TBC1D23: variants seen among roughly 807,000 people sequenced by gnomAD.
The protein encoded by TBC1D23 is HCV non-structural protein 4A-transactivated protein 1.
In TBC1D23, 55 loss-of-function variants were observed where a neutral mutation model predicts 91.4. The ratio of observed to expected loss-of-function variants is 0.60; its 90% CI spans 0.48 to 0.75. The LOEUF (loss-of-function observed/expected upper bound fraction) is 0.75, where lower values mean the gene tolerates loss of function less well. Among genes scored for constraint, TBC1D23 ranks in the 30% least tolerant of loss-of-function variants. The pLI is 0.00. For missense variants in TBC1D23, 725 were observed against 836.1 expected, an observed-to-expected ratio of 0.87 and a Z score of 1.64; for synonymous variants, 289 against 281.0, an observed-to-expected ratio of 1.03 and a Z score of -0.28.
At chr3:100,268,649 G>A (rs543195151) in intron 1 of TBC1D23, among the ~76,000 whole-genome samples, 2 of 152,046 alleles carry the variant, frequency 1.3e-5, no homozygotes, top group African/African-American at 4.8e-5. Context: ...TGCTGTTTTC[G>A]TGCCATTCTC....
chr3:100,295,366 T>C lies in TBC1D23; in HGVS notation c.772+18T>C, dbSNP rs747301208. 1.6e-5 allele frequency: 26 copies of C among 1,588,356 alleles called. No homozygotes were observed. In the Admixed American group the frequency reaches 2.7e-4, roughly 16 times the overall value. ...AGTTATCAGTAAGTATCATTTAATG[T>C]AGTGAAAACATTTCAGGTCTCTTTA... is the stretch of plus-strand genomic sequence containing the variant. On this transcript the variant is annotated intron_variant, in intron 7 of 18. Coordinates refer to ENST00000394144, the MANE Select transcript of TBC1D23 (RefSeq NM_001199198.3).
At chr3:100,315,154 C>CTTTTTT (rs397705981) in intron 15 of TBC1D23, among the ~76,000 whole-genome samples, 31 of 73,664 alleles carry the variant, frequency 4.2e-4, no homozygotes, top group South Asian at 6.0e-4. Context: ...GAGGCAGATT[C>CTTTTTT]TTTTTTTTTT....
chr3:100,289,200 G>A (rs2067768861), intron 4 of TBC1D23, among the ~76,000 whole-genome samples: 1 of 152,056 alleles, frequency 6.6e-6, no homozygotes, highest in South Asian at 2.1e-4. Context: ...GAGTGACAGA[G>A]CTAGACCCTG....
chr3:100,315,114 A>G (rs959739051), intron 15 of TBC1D23, among the ~76,000 whole-genome samples: 13 of 146,520 alleles, frequency 8.9e-5, no homozygotes, highest in Non-Finnish European at 1.7e-4. Flanking sequence ...TTGAGTTTAC[A>G]TGTTATTTAT....
At chr3:100,267,813 TTATA>T (rs1179366711) in intron 1 of TBC1D23, among the ~76,000 whole-genome samples, 3 of 152,300 alleles carry the variant, frequency 2.0e-5, no homozygotes, top group East Asian at 1.9e-4. Flanking sequence ...GCGTTACTCT[TTATA>T]TATAATGCTT....
In TBC1D23 at chr3:100,317,700, A is replaced by ACTCTCT. The variant is rs10667349; in HGVS notation, c.1688-1368_1688-1363dup. 6.8e-3 allele frequency among the ~76,000 whole-genome samples: 1,029 copies of ACTCTCT among 151,398 alleles called. 16 individuals are homozygous for ACTCTCT. The highest frequency in any genetic ancestry group is 0.024 in the African/African-American group (989 of 41,262). ...TCTCTGTTGCCATCTCTTTCTGTTA[A>ACTCTCT]CTCTCTGAATATCTCAACTTCTTCC... On this transcript the variant is annotated intron_variant, in intron 16 of 18. Transcript: ENST00000394144.
rs546907489 is a variant in TBC1D23 at position 100,304,387 on chromosome 3, A to G, written c.1264-459A>G. On this transcript the variant is annotated intron_variant, in intron 11 of 18. Transcript: ENST00000394144. ...TTTGTGTTTCTCTTTTTTTTTATTT[A>G]TATTACTTAGATCCATTATGTTTTT... Among the ~76,000 whole-genome samples, 7 of 151,718 alleles carry G rather than the reference A, an allele frequency of 4.6e-5. No homozygotes were observed. The South Asian group carries it at 1.5e-3, about 32-fold the overall frequency.
At chr3:100,265,938 A>G (rs2067553939) in intron 1 of TBC1D23, among the ~76,000 whole-genome samples, 1 of 152,206 alleles carries the variant, frequency 6.6e-6, no homozygotes, top group Non-Finnish European at 1.5e-5. Flanking sequence ...GCATTGAAAT[A>G]TGAGAAAAAA....
intron 10 of TBC1D23, among the ~76,000 whole-genome samples, 169 bp downstream of exon 10, chr3:100,299,500 C>A (rs944510772): frequency 2.0e-5 from 3 of 152,008 alleles, no homozygotes; most frequent in Non-Finnish European, 2.9e-5. Context: ...CCCAAATACC[C>A]TTTTGTGTTT....
At position 100,323,775 on chromosome 3, in the gene TBC1D23, GC is replaced by G; in HGVS notation, c.*108del. 1 of 399,050 alleles carries G rather than the reference GC, an allele frequency of 2.5e-6. No homozygotes were observed. The highest frequency in any genetic ancestry group is 4.3e-6 in the Non-Finnish European group (1 of 234,754). The allele number at this position is 399,050 out of a possible 1,614,324, so 24.7% of individuals were successfully genotyped here. ...AGACCTTTCATTTGCTCATGGGGCT[GC>G]TTAAATAGCAGGTCTAAGAAAGTGT... On this transcript the variant is annotated 3_prime_UTR_variant, in exon 19 of 19. Coordinates refer to ENST00000394144, the MANE Select transcript of TBC1D23 (RefSeq NM_001199198.3).
At chr3:100,313,672 TTTG>T (rs1484549174) in intron 15 of TBC1D23, among the ~76,000 whole-genome samples, 6 of 152,220 alleles carry the variant, frequency 3.9e-5, no homozygotes, top group Non-Finnish European at 7.4e-5. Context: ...AACATTTATC[TTTG>T]TTACTTTTTA....
intron 1 of TBC1D23, among the ~76,000 whole-genome samples, chr3:100,262,954 T>C (rs781767327): frequency 9.2e-5 from 14 of 152,102 alleles, no homozygotes; most frequent in Non-Finnish European, 2.1e-4. Context: ...AGCTAACATA[T>C]TAGTGCAGAA....
In TBC1D23 at chr3:100,279,683, G is replaced by C. The variant is rs778619581; in HGVS notation, c.88G>C (p.Gly30Arg). Residue 30 changes from glycine to arginine, a missense_variant, in exon 2 of 19, where the codon GGT (glycine) becomes CGT (arginine). Physicochemically the swap from Gly to Arg is moderately radical, Grantham distance 125. Transcript: ENST00000394144. ...KDLEEALEAG[G>R]CDLETLRNII... ...TCTTGAAGAAGCTCTGGAAGCAGGAGGTTGTGATCTTGAAACGTTGAGAAA... is the reference window on the plus strand; with the variant it reads ...TCTTGAAGAAGCTCTGGAAGCAGGACGTTGTGATCTTGAAACGTTGAGAAA... The C allele has an allele frequency of 2.5e-6, 4 of 1,608,250 alleles. No homozygotes were observed. Among genetic ancestry groups the C allele is most frequent in the Non-Finnish European group, 3.4e-6 (4 of 1,175,938 alleles).
rs1293811867 is a variant in TBC1D23 at position 100,310,558 on chromosome 3, A to G, written c.1553+16A>G. ...CTGTGGATCGGTGAGTTGTTTATACAGTATGAGTTTATGATGAGTAATTAA... is the reference window on the plus strand; with the variant it reads ...CTGTGGATCGGTGAGTTGTTTATACGGTATGAGTTTATGATGAGTAATTAA... On this transcript the variant is annotated intron_variant, in intron 14 of 18. Coordinates refer to ENST00000394144, the MANE Select transcript of TBC1D23 (RefSeq NM_001199198.3). The G allele has an allele frequency of 1.1e-5, 18 of 1,595,062 alleles. No homozygotes were observed. The highest frequency in any genetic ancestry group is 1.5e-5 in the Non-Finnish European group (17 of 1,171,344).
At position 100,262,171 on chromosome 3, in the gene TBC1D23, G is replaced by GT. The variant is rs946417319; in HGVS notation, c.53+1109dup. Among the ~76,000 whole-genome samples, 7 of 151,540 alleles carry GT rather than the reference G, an allele frequency of 4.6e-5. No homozygotes were observed. The South Asian group carries it at 6.3e-4, about 14-fold the overall frequency. On this transcript the variant is annotated intron_variant, in intron 1 of 18. Coordinates refer to ENST00000394144, the MANE Select transcript of TBC1D23 (RefSeq NM_001199198.3). ...AAAACTTCATGGTGATCTAGATATA[G>GT]TTTTTTTTTCTTCAACTTGCTTATG...
chr3:100,266,620 A>C (rs1333538338), intron 1 of TBC1D23, among the ~76,000 whole-genome samples: 1 of 152,140 alleles, frequency 6.6e-6, no homozygotes, highest in African/African-American at 2.4e-5. Context: ...TTTCCTGTGG[A>C]TGTTTTAATA....
intron 15 of TBC1D23, among the ~76,000 whole-genome samples, chr3:100,315,227 A>G (rs1349000631): frequency 8.0e-6 from 1 of 124,234 alleles, no homozygotes; most frequent in Non-Finnish European, 1.5e-5. Context: ...CAATGGCGCT[A>G]TCTTGGCTTA....
chr3:100,314,213 C>A (rs1471753602), intron 15 of TBC1D23, among the ~76,000 whole-genome samples: 2 of 146,154 alleles, frequency 1.4e-5, no homozygotes, highest in African/African-American at 5.0e-5. Flanking sequence ...ATTCTCCTGT[C>A]TCGCCCTCCC....
At chr3:100,291,325 G>A (rs1225886004) in intron 5 of TBC1D23, among the ~76,000 whole-genome samples, 1 of 152,180 alleles carries the variant, frequency 6.6e-6, no homozygotes, top group Admixed American at 6.5e-5. Flanking sequence ...GCTCACGCCT[G>A]CAATCCCAGC....
Sources: allele counts gnomAD v4.1 joint callset (sites outside exome capture counted in the v4.1 genomes callset), GRCh38; gene constraint gnomAD v4.1.1; transcripts MANE v1.5; gene names NCBI Gene and HGNC (gene_info 2026-07-23, HGNC 2026-07-21).